PLCB4: variants seen among roughly 807,000 people sequenced by gnomAD.
The protein encoded by PLCB4 is phospholipase C beta 4, also known as 1-phosphatidylinositol 4,5-bisphosphate phosphodiesterase beta-4.
A neutral mutation model predicts 178.8 loss-of-function variants in PLCB4; 77 were observed. That is an observed-to-expected ratio of 0.43 (90% CI 0.36 to 0.52). The LOEUF is 0.52. Among genes scored for constraint, PLCB4 ranks in the 20% least tolerant of loss-of-function variants. The pLI is 0.00. For synonymous variants in PLCB4, 496 were observed against 490.8 expected (o/e 1.01, Z -0.14); for missense variants, 1,024 against 1,453.4 (o/e 0.70, Z 4.80).
intron 2 of PLCB4, among the ~76,000 whole-genome samples, chr20:9,216,841 C>T (rs1415211679): frequency 6.6e-6 from 1 of 152,136 alleles, no homozygotes; most frequent in Non-Finnish European, 1.5e-5. Context: ...GGAACTTTTC[C>T]TCCCACTCCA....
chr20:9,357,303 C>A (rs888704046), intron 7 of PLCB4, among the ~76,000 whole-genome samples: 1 of 152,160 alleles, frequency 6.6e-6, no homozygotes, highest in African/African-American at 2.4e-5. Context: ...CTTGCTTCCA[C>A]ATACAAGAAA....
intron 3 of PLCB4, among the ~76,000 whole-genome samples, chr20:9,229,983 A>G (rs2093914374): frequency 6.6e-6 from 1 of 152,172 alleles, no homozygotes; most frequent in Non-Finnish European, 1.5e-5. Context: ...ACTAGGACTG[A>G]TAACAAAATA....
intron 2 of PLCB4, among the ~76,000 whole-genome samples, chr20:9,163,981 A>G (rs966709398): frequency 7.2e-5 from 11 of 152,226 alleles, no homozygotes; most frequent in African/African-American, 2.7e-4. Flanking sequence ...TGCGTGAGTC[A>G]TCCAAAAAAG....
At chr20:9,375,734 G>T (rs1243478407) in intron 12 of PLCB4, among the ~76,000 whole-genome samples, 1 of 152,150 alleles carries the variant, frequency 6.6e-6, no homozygotes, top group Non-Finnish European at 1.5e-5. Context: ...CTCATTTGCA[G>T]ATGTTGATTG....
At chr20:9,467,703 T>G (rs930872036) in intron 35 of PLCB4, among the ~76,000 whole-genome samples, 5 of 152,194 alleles carry the variant, frequency 3.3e-5, no homozygotes, top group Admixed American at 3.3e-4. Flanking sequence ...CTATACATGT[T>G]CCTGCTGGAG....
At chr20:9,101,075 G>A (rs1340707580) in intron 2 of PLCB4, among the ~76,000 whole-genome samples, 1 of 152,058 alleles carries the variant, frequency 6.6e-6, no homozygotes, top group East Asian at 1.9e-4. Flanking sequence ...ATCACCCCAG[G>A]GACAGAGGTT....
intron 2 of PLCB4, among the ~76,000 whole-genome samples, chr20:9,097,374 A>G (rs2090958591): frequency 1.3e-5 from 2 of 150,618 alleles, no homozygotes; most frequent in Non-Finnish European, 2.9e-5. Context: ...GGAGACTGGG[A>G]AACCGCTAGG....
At chr20:9,102,922 T>C (rs1346341818) in intron 2 of PLCB4, among the ~76,000 whole-genome samples, 1 of 152,162 alleles carries the variant, frequency 6.6e-6, no homozygotes, top group Non-Finnish European at 1.5e-5. Context: ...CACTTCCATA[T>C]AAGCTATGAA....
chr20:9,477,195 G>A (rs1434745051), intron 39 of PLCB4, among the ~76,000 whole-genome samples: 2 of 152,258 alleles, frequency 1.3e-5, no homozygotes, highest in Middle Eastern at 3.4e-3. Flanking sequence ...AACCTTACAC[G>A]ATGACTCTTG....
chr20:9,212,440 A>C (rs1360146615), intron 2 of PLCB4, among the ~76,000 whole-genome samples: 1 of 152,322 alleles, frequency 6.6e-6, no homozygotes. Flanking sequence ...TGTTCAGTAC[A>C]TATATAGATT....
intron 7 of PLCB4, among the ~76,000 whole-genome samples, chr20:9,351,334 C>T (rs1166563347): frequency 6.6e-6 from 1 of 151,984 alleles, no homozygotes; most frequent in Non-Finnish European, 1.5e-5. Context: ...AGGAAGAAAG[C>T]TATTCAGCTG....
At chr20:9,439,901 T>C (rs2042006726) in intron 30 of PLCB4, among the ~76,000 whole-genome samples, 1 of 152,254 alleles carries the variant, frequency 6.6e-6, no homozygotes. Context: ...GTAATTTAAA[T>C]AAGTAAGCAT....
At chr20:9,167,792 A>G (rs1386482764) in intron 2 of PLCB4, among the ~76,000 whole-genome samples, 1 of 152,196 alleles carries the variant, frequency 6.6e-6, no homozygotes, top group Non-Finnish European at 1.5e-5. Context: ...ATATTTGCGT[A>G]CTTTATTTTT....
chr20:9,351,140 CTT>C (rs531448471), intron 7 of PLCB4, among the ~76,000 whole-genome samples: 67 of 136,668 alleles, frequency 4.9e-4, no homozygotes, highest in Admixed American at 5.9e-4. Context: ...AGAAGTATTT[CTT>C]TTTTTTTTTT....
At chr20:9,403,934 T>G (rs967759678) in intron 20 of PLCB4, among the ~76,000 whole-genome samples, 1 of 152,182 alleles carries the variant, frequency 6.6e-6, no homozygotes, top group Non-Finnish European at 1.5e-5. Context: ...TAAAGAGACA[T>G]TTCAGTGGAG....
At chr20:9,416,326 A>G (rs2040243137) in intron 25 of PLCB4, among the ~76,000 whole-genome samples, 1 of 152,152 alleles carries the variant, frequency 6.6e-6, no homozygotes, top group African/African-American at 2.4e-5. Flanking sequence ...GACTGTGGAA[A>G]GTGAGGAATC....
rs373709364 is a variant in PLCB4 at position 9,331,411 on chromosome 20, T to TA, written c.85-5713dup. On this transcript the variant is annotated intron_variant, in intron 4 of 39. Transcript: ENST00000378473. Reference sequence around the variant, plus strand: ...ATTTGAAGATGCCAACTCCACAGTATAAGATACAGACATTTGCAGTTAACT... The same window carrying TA: ...ATTTGAAGATGCCAACTCCACAGTATAAAGATACAGACATTTGCAGTTAACT... Among the ~76,000 whole-genome samples the TA allele has an allele frequency of 2.8e-3, 421 of 152,304 alleles. 2 individuals carry two copies. The highest frequency in any genetic ancestry group is 9.7e-3 in the African/African-American group (403 of 41,556).
intron 1 of PLCB4, among the ~76,000 whole-genome samples, chr20:9,085,067 A>AAAAG (rs10626848): frequency 0.47 from 66,675 of 142,818 alleles, 16,478 homozygotes; most frequent in Middle Eastern, 0.55. Flanking sequence ...AAAAAAAAAA[A>AAAAG]AGAATATATT....
chr20:9,246,291 C>T (rs934162288), intron 3 of PLCB4, among the ~76,000 whole-genome samples: 1 of 152,068 alleles, frequency 6.6e-6, no homozygotes, highest in Non-Finnish European at 1.5e-5. Context: ...TTCAGTTTCT[C>T]CCTTACCACT....
Sources: allele counts gnomAD v4.1 joint callset (sites outside exome capture counted in the v4.1 genomes callset), GRCh38; gene constraint gnomAD v4.1.1; transcripts MANE v1.5; gene names NCBI Gene and HGNC (gene_info 2026-07-23, HGNC 2026-07-21).